LMAN2L: variants seen among roughly 807,000 people sequenced by gnomAD.
LMAN2L encodes the protein lectin, mannose binding 2 like, also known as VIP36-like protein.
Under a neutral mutation model 44.3 loss-of-function variants are expected in LMAN2L, and 30 were observed. The ratio of observed to expected loss-of-function variants is 0.68; its 90% CI spans 0.51 to 0.92. LMAN2L has a LOEUF of 0.92. Ranked by LOEUF, LMAN2L falls within the 40% of genes least tolerant of loss-of-function variation. The probability of loss-of-function intolerance (pLI) is 0.00; values close to 1 mark genes in which losing one functional copy is unlikely to be tolerated. For synonymous variants in LMAN2L, 183 were observed against 171.1 expected, an observed-to-expected ratio of 1.07 and a Z score of -0.54; for missense variants, 429 against 446.1, an observed-to-expected ratio of 0.96 and a Z score of 0.35.
intron 4 of LMAN2L, among the ~76,000 whole-genome samples, chr2:96,726,808 A>G (rs762277708): frequency 6.7e-6 from 1 of 149,734 alleles, no homozygotes; most frequent in African/African-American, 2.5e-5. Context: ...GGTTGGGTGC[A>G]GTGGCTCACT....
At chr2:96,734,337 C>A (rs1437405257) in intron 3 of LMAN2L, 72 bp downstream of exon 3, 6 of 927,192 alleles carry the variant, frequency 6.5e-6, no homozygotes, top group South Asian at 3.9e-5. Flanking sequence ...GGGGAAGGAA[C>A]CTTTTCAAAA....
At chr2:96,736,233 A>G (rs1217635499) in intron 2 of LMAN2L, among the ~76,000 whole-genome samples, 2 of 152,156 alleles carry the variant, frequency 1.3e-5, no homozygotes, top group East Asian at 1.9e-4. Context: ...CACTGGATTC[A>G]CCTACGGAGT....
At position 96,734,509 on chromosome 2, in the gene LMAN2L, G is replaced by A; in HGVS notation, c.324C>T (p.Asp108=). 1 of 1,609,584 alleles carries A rather than the reference G, an allele frequency of 6.2e-7. No individual in the cohort carries two copies. The highest frequency in any genetic ancestry group is 8.5e-7 in the Non-Finnish European group (1 of 1,175,884). The change falls in exon 3 of 8, where the codon GAC becomes GAT. Residue 108 remains aspartate, a synonymous_variant. Coordinates refer to ENST00000264963, the MANE Select transcript of LMAN2L (RefSeq NM_030805.4). ...LWNRVPCFLR[D]WELQVHFKIH... ...TTTTGAAGTGCACCTGCAACTCCCA[G>A]TCTCTCAGGAAACATGGCTAAAGTG...
chr2:96,730,428 A>G (rs911915671), intron 4 of LMAN2L, among the ~76,000 whole-genome samples: 6 of 152,152 alleles, frequency 3.9e-5, no homozygotes, highest in African/African-American at 1.4e-4. Context: ...TATGGTGAGC[A>G]TGAGTCACAT....
intron 6 of LMAN2L, 52 bp downstream of exon 6, chr2:96,711,604 G>T: frequency 8.5e-7 from 1 of 1,174,532 alleles, no homozygotes; most frequent in Non-Finnish European, 1.3e-6. Context: ...TGAAGTGTGG[G>T]TATTGAGAAG....
chr2:96,710,938 G>T (rs1350728772), intron 6 of LMAN2L, among the ~76,000 whole-genome samples: 1 of 152,124 alleles, frequency 6.6e-6, no homozygotes, highest in East Asian at 1.9e-4. Context: ...GAGAGTAAGT[G>T]TATAAACGAG....
intron 4 of LMAN2L, among the ~76,000 whole-genome samples, chr2:96,714,239 C>T (rs544895072): frequency 1.3e-5 from 2 of 152,218 alleles, no homozygotes; most frequent in African/African-American, 4.8e-5. Context: ...ACCAAAAGAT[C>T]TGAGGGCACA....
chr2:96,730,530 G>A lies in LMAN2L; in HGVS notation c.507+2989C>T, dbSNP rs1394197588. On this transcript the variant is annotated intron_variant, in intron 4 of 7. Coordinates refer to ENST00000264963, the MANE Select transcript of LMAN2L (RefSeq NM_030805.4). Reference sequence around the variant, plus strand: ...AGTCTCAGCGGCTAGTTAACATGCCGAGGCTACAGTGTTAATATTGTAGAA... The same window carrying A: ...AGTCTCAGCGGCTAGTTAACATGCCAAGGCTACAGTGTTAATATTGTAGAA... 3.3e-5 allele frequency among the ~76,000 whole-genome samples: 5 copies of A among 152,092 alleles called. No individual in the cohort carries two copies. In the South Asian group the frequency reaches 6.2e-4, roughly 19 times the overall value.
chr2:96,714,625 G>A (rs1433115932), intron 4 of LMAN2L, among the ~76,000 whole-genome samples: 1 of 152,220 alleles, frequency 6.6e-6, no homozygotes, highest in South Asian at 2.1e-4. Context: ...ATGCCCTGTG[G>A]AGCTCTGATG....
intron 4 of LMAN2L, among the ~76,000 whole-genome samples, chr2:96,724,568 C>T (rs956069603): frequency 1.3e-5 from 2 of 152,186 alleles, no homozygotes; most frequent in African/African-American, 2.4e-5. Flanking sequence ...TGCAGCGATG[C>T]GATCGTGGCT....
intron 3 of LMAN2L, among the ~76,000 whole-genome samples, chr2:96,734,145 C>T (rs1258423383): frequency 2.0e-5 from 3 of 152,220 alleles, no homozygotes; most frequent in Non-Finnish European, 4.4e-5. Flanking sequence ...AGAGCCAGTG[C>T]TTTCATCCAG....
chr2:96,711,709 C>T lies in LMAN2L; in HGVS notation c.731G>A (p.Arg244His), dbSNP rs374254632. The T allele has an allele frequency of 1.1e-5, 18 of 1,613,964 alleles. No homozygotes were observed. Among genetic ancestry groups the T allele is most frequent in the Middle Eastern group, 1.7e-4 (1 of 6,014 alleles). ...WRDCIEVPGV[R>H]LPRGYYFGTS... ...GCCGAAGTAGTAGCCGCGGGGCAGG[C>T]GGACTCCGGGCACTTCAATGCAGTC... The change falls in exon 6 of 8, where the codon CGC becomes CAC. Residue 244 changes from arginine (R) to histidine (H), a missense_variant. Transcript: ENST00000264963.
intron 6 of LMAN2L, 99 bp from the exon 7 acceptor site, chr2:96,707,932 C>A: frequency 8.4e-7 from 1 of 1,188,648 alleles, no homozygotes; most frequent in South Asian, 1.4e-5. Flanking sequence ...CACAGCTAAC[C>A]AGCAGTGACC....
rs2077821244 is a variant in LMAN2L, at chr2:96,707,898, G to C, written c.785-65C>G. 4.5e-6 allele frequency: 7 copies of C among 1,551,312 alleles called. No homozygotes were observed. The East Asian group carries it at 1.4e-4, about 30-fold the overall frequency. The stretch of plus-strand genomic sequence containing the variant: ...AAAAGAGGTATGTTTCTTGAAGTCA[G>C]TATCTTAGTTCAAGCCTCTGATCCA... On this transcript the variant is annotated intron_variant, in intron 6 of 7. Coordinates refer to ENST00000264963, the MANE Select transcript of LMAN2L (RefSeq NM_030805.4).
At chr2:96,719,598 T>A (rs963702416) in intron 4 of LMAN2L, among the ~76,000 whole-genome samples, 140 of 150,454 alleles carry the variant, frequency 9.3e-4, no homozygotes, top group East Asian at 5.8e-4. Context: ...AAAAAAAAAA[T>A]TTTTTTTCTT....
chr2:96,724,708 G>A (rs144388960), intron 4 of LMAN2L, among the ~76,000 whole-genome samples: 58 of 152,198 alleles, frequency 3.8e-4, no homozygotes, highest in African/African-American at 1.2e-3. Context: ...GTGAAGTGGC[G>A]CAATCTCAGC....
At position 96,706,986 on chromosome 2, in the gene LMAN2L, A is replaced by C. The variant is rs2077796201; in HGVS notation, c.*270T>G. 3.6e-6 allele frequency: 1 copy of C among 278,854 alleles called. No individual in the cohort carries two copies. Among genetic ancestry groups the C allele is most frequent in the Non-Finnish European group, 6.7e-6 (1 of 150,140 alleles). 17.3% of individuals were successfully genotyped at this position (278,854 alleles called of 1,614,324 possible). On this transcript the variant is annotated 3_prime_UTR_variant, in exon 8 of 8. Coordinates refer to ENST00000264963, the MANE Select transcript of LMAN2L (RefSeq NM_030805.4). ...CATCACAACCACGTAAATTCTCTTC[A>C]CACCTCTGCTCCCACATGGAAGGAC... is the stretch of plus-strand genomic sequence containing the variant.
At position 96,706,049 on chromosome 2, in the gene LMAN2L, AG is replaced by A. The variant is rs1294033572; in HGVS notation, c.*1206del. The A allele has an allele frequency of 2.0e-5, 3 of 152,644 alleles. No individual in the cohort carries two copies. The highest frequency in any genetic ancestry group is 4.4e-5 in the Non-Finnish European group (3 of 68,066). 9.5% of individuals were successfully genotyped at this position (152,644 alleles called of 1,614,324 possible). A position where few individuals can be genotyped will look rare whatever the true frequency, so the allele number is the denominator to read the frequency against. ...TAACTGATTTAATCCCAGGGCAGTAAGGTGAGCAGCATGTAACCCCTTGTCA... is the reference window on the plus strand; with the variant it reads ...TAACTGATTTAATCCCAGGGCAGTAAGTGAGCAGCATGTAACCCCTTGTCA... On this transcript the variant is annotated 3_prime_UTR_variant, in exon 8 of 8. Transcript: ENST00000264963.
intron 4 of LMAN2L, among the ~76,000 whole-genome samples, chr2:96,718,207 T>C (rs2078080432): frequency 6.6e-6 from 1 of 152,188 alleles, no homozygotes; most frequent in African/African-American, 2.4e-5. Context: ...CCACCCGCCT[T>C]GGCTTCCCAA....
Sources: gnomAD v4.1 joint callset for allele counts (sites outside exome capture counted in the v4.1 genomes callset) on GRCh38, gnomAD v4.1.1 for gene constraint, MANE v1.5 for transcripts, NCBI Gene and HGNC (gene_info 2026-07-23, HGNC 2026-07-21) for gene names.